Variants in SERINC5 observed in about 807,000 individuals in gnomAD.
SERINC5 encodes serine incorporator 5, also known as chromosome 5 open reading frame 12.
A neutral mutation model predicts 63.1 loss-of-function variants in SERINC5; 41 were observed. The observed-to-expected ratio is 0.65, with a 90% confidence interval of 0.51 to 0.84. The LOEUF is 0.84. Among genes scored for constraint, SERINC5 ranks in the 40% least tolerant of loss-of-function variants. SERINC5 has a pLI of 0.00. For missense variants in SERINC5, 523 were observed against 573.0 expected, an observed-to-expected ratio of 0.91 and a Z score of 0.89; for synonymous variants, 222 against 215.2, an observed-to-expected ratio of 1.03 and a Z score of -0.28.
chr5:80,188,067 GA>G (rs2112450194), intron 2 of SERINC5, among the ~76,000 whole-genome samples: 1 of 152,162 alleles, frequency 6.6e-6, no homozygotes, highest in African/African-American at 2.4e-5. Flanking sequence ...GGTGGATCAT[GA>G]GGTCAGGAGT....
In SERINC5 at chr5:80,142,215, A is replaced by C; in HGVS notation, c.*1448T>G. On this transcript the variant is annotated 3_prime_UTR_variant, in exon 12 of 12. Coordinates refer to ENST00000507668, the MANE Select transcript of SERINC5 (RefSeq NM_001174072.3). ...GCCTGAATACATCAACACTGAAAAT[A>C]GGCATCATCTTGGGTAGCTGCCGAA... The C allele has an allele frequency of 1.0e-6, 1 of 985,054 alleles. No homozygotes were observed. Among genetic ancestry groups the C allele is most frequent in the Non-Finnish European group, 1.2e-6 (1 of 829,832 alleles). The allele number at this position is 985,054 out of a possible 1,614,324, so 61.0% of individuals were successfully genotyped here. A position where few individuals can be genotyped will look rare whatever the true frequency, so the allele number is the denominator to read the frequency against.
intron 2 of SERINC5, among the ~76,000 whole-genome samples, chr5:80,195,838 C>T (rs1196967596): frequency 6.6e-6 from 1 of 152,206 alleles, no homozygotes; most frequent in East Asian, 1.9e-4. Context: ...TATTCACCTA[C>T]AGTCACTACA....
In SERINC5 at chr5:80,166,412, GAGA is replaced by G. The variant is rs748141235; in HGVS notation, c.827_829del (p.Phe276del). 2 of 1,593,510 alleles carry G rather than the reference GAGA, an allele frequency of 1.3e-6. No homozygotes were observed. Among genetic ancestry groups the G allele is most frequent in the Non-Finnish European group, 1.7e-6 (2 of 1,169,934 alleles). ...TTCTGCAGGTTTGCTGGACAGAGCTGAGAAGGTGAGGTAGGTGACATAGCAGCT... is the reference window on the plus strand; with the variant it reads ...TTCTGCAGGTTTGCTGGACAGAGCTGAGGTGAGGTAGGTGACATAGCAGCT... On this transcript the variant is annotated inframe_deletion, in exon 7 of 12. Coordinates refer to ENST00000507668, the MANE Select transcript of SERINC5 (RefSeq NM_001174072.3).
At chr5:80,224,271 G>T (rs1421494491) in intron 1 of SERINC5, among the ~76,000 whole-genome samples, 1 of 152,098 alleles carries the variant, frequency 6.6e-6, no homozygotes, top group Non-Finnish European at 1.5e-5. Context: ...GACCACAGGA[G>T]TTCAAGACCA....
chr5:80,166,534 A>T, intron 6 of SERINC5, 56 bp from the exon 7 acceptor site: 3 of 1,233,376 alleles, frequency 2.4e-6, no homozygotes, highest in Non-Finnish European at 3.5e-6. Flanking sequence ...AAGAAAGCAC[A>T]TGCCTAAAAA....
rs1745611403 is a variant in SERINC5, at chr5:80,143,150, T to C, written c.*513A>G. ...GCAGTTGAAAAGCAGGTGCCTCCTC[T>C]TGGACCCTATAAATACCAGGGGCCC... On this transcript the variant is annotated 3_prime_UTR_variant, in exon 12 of 12. Transcript: ENST00000507668. The C allele has an allele frequency of 2.0e-6, 2 of 985,978 alleles. No individual in the cohort carries two copies. The highest frequency in any genetic ancestry group is 2.4e-6 in the Non-Finnish European group (2 of 830,486). The allele number at this position is 985,978 out of a possible 1,614,324, so 61.1% of individuals were successfully genotyped here.
chr5:80,142,081 T>C lies in SERINC5; in HGVS notation c.*1582A>G, dbSNP rs115324902. 2,129 of 985,410 alleles carry C rather than the reference T, an allele frequency of 2.2e-3. 31 individuals carry two copies. In the African/African-American group the frequency reaches 0.035, roughly 16 times the overall value. The allele number at this position is 985,410 out of a possible 1,614,324, so 61.0% of individuals were successfully genotyped here. A position where few individuals can be genotyped will look rare whatever the true frequency, so the allele number is the denominator to read the frequency against. The stretch of plus-strand genomic sequence containing the variant: ...ACAGTAGGGCACAGAAAAAAATGAC[T>C]AGGCTGAGCCTTTTATTCTTAGATC... On this transcript the variant is annotated 3_prime_UTR_variant, in exon 12 of 12. Coordinates refer to ENST00000507668, the MANE Select transcript of SERINC5 (RefSeq NM_001174072.3).
At chr5:80,187,110 G>A (rs1227502952) in intron 2 of SERINC5, among the ~76,000 whole-genome samples, 1 of 152,028 alleles carries the variant, frequency 6.6e-6, no homozygotes, top group African/African-American at 2.4e-5. Context: ...AGGTTGCAGT[G>A]AGCTGAGATC....
intron 7 of SERINC5, among the ~76,000 whole-genome samples, chr5:80,163,807 CA>C (rs931357709): frequency 1.3e-5 from 2 of 152,060 alleles, no homozygotes; most frequent in African/African-American, 4.8e-5. Context: ...CTATGTTCAT[CA>C]GGGGTATTGG....
intron 1 of SERINC5, among the ~76,000 whole-genome samples, chr5:80,236,347 G>GA (rs1554071586): frequency 1.3e-5 from 2 of 152,018 alleles, no homozygotes; most frequent in Non-Finnish European, 2.9e-5. Flanking sequence ...GAACATACCG[G>GA]AACTCAGGCT....
chr5:80,192,753 G>A (rs1475289383), intron 2 of SERINC5, among the ~76,000 whole-genome samples: 3 of 152,124 alleles, frequency 2.0e-5, no homozygotes, highest in African/African-American at 7.2e-5. Context: ...AACCCCTTAT[G>A]ATTATGCTCA....
chr5:80,233,358 C>T (rs1463271262), intron 1 of SERINC5, among the ~76,000 whole-genome samples: 3 of 152,056 alleles, frequency 2.0e-5, no homozygotes, highest in African/African-American at 4.8e-5. Context: ...ACCCGGGAGG[C>T]GGAGGTTGCG....
At chr5:80,178,496 G>A (rs11953891) in intron 2 of SERINC5, among the ~76,000 whole-genome samples, 75,676 of 145,172 alleles carry the variant, frequency 0.52, 20,043 homozygotes, top group East Asian at 0.79. Context: ...CCAATTAGCT[G>A]GGACTACAGG....
chr5:80,236,595 G>A (rs945760208), intron 1 of SERINC5, among the ~76,000 whole-genome samples: 4 of 149,372 alleles, frequency 2.7e-5, no homozygotes, highest in African/African-American at 7.4e-5. Flanking sequence ...ATGGCAGCTC[G>A]GCTCACTGCA....
chr5:80,128,416 GT>G, intron 11 of SERINC5: 1 of 152,324 alleles, frequency 6.6e-6, no homozygotes, highest in South Asian at 2.1e-4. Context: ...AACATCCCAG[GT>G]TTTTAAGTCC....
At chr5:80,192,276 T>C (rs1374607083) in intron 2 of SERINC5, among the ~76,000 whole-genome samples, 1 of 152,176 alleles carries the variant, frequency 6.6e-6, no homozygotes, top group Non-Finnish European at 1.5e-5. Context: ...TAACTTACTC[T>C]ACAAATCAAG....
intron 2 of SERINC5, among the ~76,000 whole-genome samples, chr5:80,185,128 G>A (rs1483933165): frequency 6.6e-6 from 1 of 152,112 alleles, no homozygotes; most frequent in Non-Finnish European, 1.5e-5. Context: ...GCCTGCCTCG[G>A]CCTCCCAAAG....
chr5:80,117,649 A>AAG (rs1744386478), intron 11 of SERINC5, among the ~76,000 whole-genome samples: 1 of 151,288 alleles, frequency 6.6e-6, no homozygotes, highest in South Asian at 2.1e-4. Flanking sequence ...ACTGAAAAAA[A>AAG]AAAAAAAAAA....
At chr5:80,185,991 A>G (rs913386639) in intron 2 of SERINC5, among the ~76,000 whole-genome samples, 1 of 152,028 alleles carries the variant, frequency 6.6e-6, no homozygotes, top group Non-Finnish European at 1.5e-5. Context: ...ACTCAGGTAC[A>G]TTACATGATC....
Sources: allele counts gnomAD v4.1 joint callset (sites outside exome capture counted in the v4.1 genomes callset), GRCh38; gene constraint gnomAD v4.1.1; transcripts MANE v1.5; gene names NCBI Gene and HGNC (gene_info 2026-07-23, HGNC 2026-07-21).